The following ABCB11 variants were observed in gnomAD, a reference collection of about 807,000 sequenced individuals.
ABCB11 encodes ATP binding cassette subfamily B member 11.
Under a neutral mutation model 148.0 loss-of-function variants are expected in ABCB11, and 95 were observed. The observed-to-expected ratio is 0.64, with a 90% CI of 0.54 to 0.76. The LOEUF (loss-of-function observed/expected upper bound fraction) is 0.76, where lower values mean the gene tolerates loss of function less well. ABCB11 is among the 30% of genes least tolerant of loss of function. ABCB11 has a pLI of 0.00. For synonymous variants in ABCB11, 591 were observed against 555.4 expected (o/e 1.06, Z -0.90); for missense variants, 1,523 against 1,617.8 (o/e 0.94, Z 1.01).
chr2:168,977,972 T>A (rs1205849407), intron 11 of ABCB11, among the ~76,000 whole-genome samples: 1 of 152,192 alleles, frequency 6.6e-6, no homozygotes, highest in South Asian at 2.1e-4. Flanking sequence ...TTAGCTCTAT[T>A]GAGGAGTATA....
Position 169,013,440 on chromosome 2 carries a change from A to T in ABCB11, c.221T>A (p.Ile74Lys), listed in dbSNP as rs777701321. Reference sequence around the variant, plus strand: ...AATGAGTAGCACGCCTGGCTGGGCTATTCCATGGAGAAATGCACACAAACT... The same window carrying T: ...AATGAGTAGCACGCCTGGCTGGGCTTTTCCATGGAGAAATGCACACAAACT... ...VGSLCAFLHG[I>K]AQPGVLLIFG... Residue 74 changes from isoleucine (I) to lysine (K), a missense_variant, in exon 5 of 28, where the codon ATA (isoleucine) becomes AAA (lysine). Physicochemically the swap from Ile to Lys is moderately radical, Grantham distance 102 (BLOSUM62 -3). Coordinates refer to ENST00000650372, the MANE Select transcript of ABCB11 (RefSeq NM_003742.4). 1.2e-6 allele frequency: 2 copies of T among 1,613,832 alleles called. No individual in the cohort carries two copies. The highest frequency in any genetic ancestry group is 1.7e-6 in the Non-Finnish European group (2 of 1,179,774).
downstream of ABCB11, among the ~76,000 whole-genome samples, chr2:168,918,624 T>C (rs767665102): frequency 3.3e-5 from 5 of 152,224 alleles, no homozygotes; most frequent in Non-Finnish European, 4.4e-5. Context: ...ACATCATTAT[T>C]TTGGCTTCAT....
intron 7 of ABCB11, among the ~76,000 whole-genome samples, chr2:168,994,569 A>G (rs1178195609): frequency 6.6e-6 from 1 of 152,118 alleles, no homozygotes; most frequent in Non-Finnish European, 1.5e-5. Context: ...TGTAAAGCCT[A>G]TAGGACAGCG....
In ABCB11 at chr2:168,991,034, T is replaced by G. The variant is rs2287614; in HGVS notation, c.784-109A>C. ...GGCATGGGTTTAATACAATATTAGATTCTCACTGTAACATCATTGACAGGA... is the reference window on the plus strand; with the variant it reads ...GGCATGGGTTTAATACAATATTAGAGTCTCACTGTAACATCATTGACAGGA... On this transcript the variant is annotated intron_variant, in intron 8 of 27. Transcript: ENST00000650372. 51,500 of 1,290,606 alleles carry G rather than the reference T, an allele frequency of 0.04. 1,224 individuals are homozygous for G. The highest frequency in any genetic ancestry group is 0.064 in the East Asian group (2,667 of 41,560). 79.9% of individuals were successfully genotyped at this position (1,290,606 alleles called of 1,614,324 possible). A position where few individuals can be genotyped will look rare whatever the true frequency, so the allele number is the denominator to read the frequency against.
intron 19 of ABCB11, among the ~76,000 whole-genome samples, chr2:168,945,746 T>A (rs531712232): frequency 2.8e-4 from 42 of 152,002 alleles, no homozygotes; most frequent in African/African-American, 9.4e-4. Flanking sequence ...TTGACCGATA[T>A]CTTTCTCTAT....
At chr2:168,968,316 T>C in intron 17 of ABCB11, 111 bp downstream of exon 17, 4 of 957,812 alleles carry the variant, frequency 4.2e-6, no homozygotes, top group Non-Finnish European at 6.5e-6. Context: ...GACCTGGCAG[T>C]CTACTCAGAG....
At chr2:169,029,470 G>A (rs62171052) in intron 1 of ABCB11, among the ~76,000 whole-genome samples, 12,606 of 151,982 alleles carry the variant, frequency 0.083, 580 homozygotes, top group East Asian at 0.21. Flanking sequence ...GCTCACTGTC[G>A]GTTGATGCTG....
intron 8 of ABCB11, among the ~76,000 whole-genome samples, chr2:168,992,421 T>C (rs202150027): frequency 1.3e-5 from 2 of 151,428 alleles, no homozygotes; most frequent in Non-Finnish European, 2.9e-5. Context: ...AGAAAAAAAA[T>C]GAAAAAATGT....
chr2:168,971,446 A>C (rs1230357420), intron 14 of ABCB11, among the ~76,000 whole-genome samples: 1 of 152,058 alleles, frequency 6.6e-6, no homozygotes, highest in Non-Finnish European at 1.5e-5. Flanking sequence ...CCTAAGCACA[A>C]GAAAATTATG....
intron 5 of ABCB11, among the ~76,000 whole-genome samples, chr2:169,004,685 A>T (rs1192983037): frequency 6.6e-6 from 1 of 152,110 alleles, no homozygotes; most frequent in East Asian, 1.9e-4. Context: ...CAGAGATTTC[A>T]TCTTGGTTTA....
intron 12 of ABCB11, among the ~76,000 whole-genome samples, chr2:168,974,822 T>C (rs1400404565): frequency 6.6e-6 from 1 of 151,774 alleles, no homozygotes; most frequent in Non-Finnish European, 1.5e-5. Flanking sequence ...TACTTTGTAA[T>C]TCATAGCTTA....
intron 19 of ABCB11, among the ~76,000 whole-genome samples, chr2:168,953,389 G>A (rs1162391014): frequency 6.8e-6 from 1 of 147,862 alleles, no homozygotes; most frequent in Non-Finnish European, 1.5e-5. Context: ...CTGATGTTGA[G>A]TTCATATATA....
chr2:168,919,434 T>C (rs922445831), downstream of ABCB11, among the ~76,000 whole-genome samples: 6 of 152,108 alleles, frequency 3.9e-5, no homozygotes, highest in African/African-American at 1.4e-4. Flanking sequence ...CACCATGTTT[T>C]TCTGGGGGAC....
intron 12 of ABCB11, among the ~76,000 whole-genome samples, chr2:168,975,234 T>A (rs1313264137): frequency 1.0e-5 from 1 of 96,026 alleles, no homozygotes; most frequent in Non-Finnish European, 1.9e-5. Context: ...GATAAATATA[T>A]AAATATTTAA....
At chr2:169,005,239 G>A (rs1694984898) in intron 5 of ABCB11, among the ~76,000 whole-genome samples, 1 of 152,016 alleles carries the variant, frequency 6.6e-6, no homozygotes, top group Admixed American at 6.6e-5. Context: ...CCCAAGCAGT[G>A]GGCAGGGCCA....
rs998175144 is a variant in ABCB11, at chr2:168,971,410, A to G, written c.1638+437T>C. On this transcript the variant is annotated intron_variant, in intron 14 of 27. Coordinates refer to ENST00000650372, the MANE Select transcript of ABCB11 (RefSeq NM_003742.4). ...TTGCTTAGAATGGAGATATACAATG[A>G]ATTGTTTTTGACACAATATTAGCTG... Among the ~76,000 whole-genome samples, 5 of 152,166 alleles carry G rather than the reference A, an allele frequency of 3.3e-5. No homozygotes were observed. In the East Asian group the frequency reaches 9.7e-4, roughly 30 times the overall value.
intron 8 of ABCB11, among the ~76,000 whole-genome samples, chr2:168,993,422 G>A: frequency 6.6e-6 from 1 of 152,008 alleles, no homozygotes; most frequent in Middle Eastern, 3.2e-3. Context: ...TAAGATTGTT[G>A]TAAAGATTAG....
At chr2:168,998,553 A>G (rs1261242672) in intron 5 of ABCB11, among the ~76,000 whole-genome samples, 3 of 152,282 alleles carry the variant, frequency 2.0e-5, no homozygotes, top group Middle Eastern at 3.4e-3. Flanking sequence ...ACATCACACT[A>G]TATCCCATAA....
chr2:168,929,014 C>A (rs901255430), intron 25 of ABCB11, among the ~76,000 whole-genome samples: 1 of 152,036 alleles, frequency 6.6e-6, no homozygotes, highest in African/African-American at 2.4e-5. Flanking sequence ...ATTTTCTTAG[C>A]ATTTCTCTTC....
Sources: gnomAD v4.1 joint callset for allele counts (sites outside exome capture counted in the v4.1 genomes callset) on GRCh38, gnomAD v4.1.1 for gene constraint, MANE v1.5 for transcripts, NCBI Gene and HGNC (gene_info 2026-07-23, HGNC 2026-07-21) for gene names.